The following PTPRN2 variants were observed in gnomAD, a reference collection of about 807,000 sequenced individuals.
The protein encoded by PTPRN2 is receptor-type tyrosine-protein phosphatase N2.
A neutral mutation model predicts 118.8 loss-of-function variants in PTPRN2; 74 were observed. That is an observed-to-expected ratio of 0.62 (90% CI 0.52 to 0.76). The LOEUF (loss-of-function observed/expected upper bound fraction) is 0.76. Ranked by LOEUF, PTPRN2 falls within the 30% of genes least tolerant of loss-of-function variation. The probability of loss-of-function intolerance (pLI) is 0.00; values close to 1 mark genes in which losing one functional copy is unlikely to be tolerated. For synonymous variants in PTPRN2, 641 were observed against 608.0 expected (o/e 1.05, Z -0.80); for missense variants, 1,481 against 1,394.4 (o/e 1.06, Z -0.99).
chr7:157,797,122 C>T (rs977337686), intron 12 of PTPRN2, among the ~76,000 whole-genome samples: 4 of 152,210 alleles, frequency 2.6e-5, no homozygotes, highest in East Asian at 1.9e-4. Context: ...ACACGGCCCA[C>T]GGCTGTGTCA....
chr7:158,341,166 C>A (rs113547176), intron 2 of PTPRN2, among the ~76,000 whole-genome samples: 20 of 145,934 alleles, frequency 1.4e-4, no homozygotes, highest in African/African-American at 5.2e-4. Flanking sequence ...CGCCCGCAGA[C>A]GTCACTCACA....
chr7:158,241,880 G>T (rs556518520), intron 3 of PTPRN2, among the ~76,000 whole-genome samples: 1 of 152,296 alleles, frequency 6.6e-6, no homozygotes, highest in South Asian at 2.1e-4. Context: ...AGTGCATATG[G>T]TCCTGGAGAA....
intron 9 of PTPRN2, among the ~76,000 whole-genome samples, chr7:158,130,428 A>G (rs1219836728): frequency 6.8e-6 from 1 of 148,026 alleles, no homozygotes; most frequent in Non-Finnish European, 1.5e-5. Flanking sequence ...ACACTCACAC[A>G]CACACGTACA....
At chr7:157,553,920 C>T (rs935610855) in intron 21 of PTPRN2, among the ~76,000 whole-genome samples, 5 of 152,090 alleles carry the variant, frequency 3.3e-5, no homozygotes, top group African/African-American at 7.2e-5. Flanking sequence ...TCAGGCTGGG[C>T]GCCGTATCCT....
At chr7:157,635,089 C>A (rs191805343) in intron 14 of PTPRN2, among the ~76,000 whole-genome samples, 1 of 152,222 alleles carries the variant, frequency 6.6e-6, no homozygotes, top group Admixed American at 6.5e-5. Flanking sequence ...AACCAGCCAA[C>A]GCCACGTATA....
intron 2 of PTPRN2, among the ~76,000 whole-genome samples, chr7:158,397,429 G>T (rs1391990479): frequency 6.6e-6 from 1 of 152,202 alleles, no homozygotes; most frequent in Admixed American, 6.5e-5. Context: ...CAAGTGGCCA[G>T]GGGACAGGGC....
intron 3 of PTPRN2, among the ~76,000 whole-genome samples, chr7:158,248,989 C>G (rs566224985): frequency 6.6e-6 from 1 of 151,490 alleles, no homozygotes; most frequent in East Asian, 2.0e-4. Flanking sequence ...CACACATATG[C>G]ACACATCACA....
chr7:158,507,616 G>A lies in PTPRN2; in HGVS notation c.113-17831C>T, dbSNP rs148437943. Among the ~76,000 whole-genome samples the A allele has an allele frequency of 2.0e-4, 29 of 146,974 alleles. 1 individual carries two copies. In the East Asian group the frequency reaches 4.1e-3, roughly 21 times the overall value. ...GAAGGTCAGTGAGGAACATCCAGGG[G>A]ACAGCCCTGCTCTGGGCAGGAAATC... On this transcript the variant is annotated intron_variant, in intron 1 of 22. Coordinates refer to ENST00000389418, the MANE Select transcript of PTPRN2 (RefSeq NM_002847.5).
intron 11 of PTPRN2, among the ~76,000 whole-genome samples, chr7:158,080,912 A>G (rs3823622): frequency 0.04 from 6,033 of 152,190 alleles, 190 homozygotes; most frequent in East Asian, 0.18. Flanking sequence ...AAAAACCTCA[A>G]AGCAAAATTG....
chr7:157,966,444 C>T (rs568500650), intron 11 of PTPRN2, among the ~76,000 whole-genome samples: 3 of 151,348 alleles, frequency 2.0e-5, no homozygotes, highest in South Asian at 2.1e-4. Flanking sequence ...TTTATTATCA[C>T]CATCAACATC....
intron 2 of PTPRN2, among the ~76,000 whole-genome samples, chr7:158,425,865 G>C (rs368896211): frequency 2.9e-5 from 2 of 68,916 alleles, no homozygotes; most frequent in Non-Finnish European, 5.7e-5. Context: ...AAAGACGCGG[G>C]GTCCGAGTCC....
intron 2 of PTPRN2, among the ~76,000 whole-genome samples, chr7:158,406,086 C>T (rs1403311509): frequency 1.3e-5 from 1 of 79,594 alleles, no homozygotes; most frequent in African/African-American, 5.9e-5. Flanking sequence ...GTGGCTCATC[C>T]ATGAGACACG....
intron 6 of PTPRN2, among the ~76,000 whole-genome samples, chr7:158,149,139 C>G (rs1820603774): frequency 6.6e-6 from 1 of 151,164 alleles, no homozygotes; most frequent in Non-Finnish European, 1.5e-5. Context: ...CATCTCACGC[C>G]ACGTGTCTTT....
intron 11 of PTPRN2, among the ~76,000 whole-genome samples, chr7:158,037,434 T>C (rs1031076662): frequency 2.0e-5 from 3 of 152,224 alleles, no homozygotes; most frequent in African/African-American, 7.2e-5. Context: ...CTGCACGGCA[T>C]ATCACTGTAC....
chr7:158,459,206 C>T (rs940009256), intron 2 of PTPRN2, among the ~76,000 whole-genome samples: 2 of 109,000 alleles, frequency 1.8e-5, no homozygotes, highest in African/African-American at 3.3e-5. Context: ...TGCACAAGCA[C>T]ACATGCATGC....
chr7:158,341,513 T>C, intron 2 of PTPRN2, among the ~76,000 whole-genome samples: 1 of 123,276 alleles, frequency 8.1e-6, no homozygotes, highest in Non-Finnish European at 1.8e-5. Context: ...CAGACGTCAC[T>C]CACACCCACA....
Position 157,627,354 on chromosome 7 carries a change from C to T in PTPRN2, c.2197-5845G>A, listed in dbSNP as rs1803649022. Among the ~76,000 whole-genome samples, 1 of 152,310 alleles carries T rather than the reference C, an allele frequency of 6.6e-6. No homozygotes were observed. The highest frequency in any genetic ancestry group is 2.1e-4 in the South Asian group (1 of 4,822). On this transcript the variant is annotated intron_variant, in intron 14 of 22. Transcript: ENST00000389418. This position sits in a 1 kb window ranked among gnomAD's most constrained non-coding sequence, Gnocchi z 4.2. ...GCTGACAATACCAGAGGGAGTGAGCCAGTGAAGGCGGGATTGCACCACAAT... is the reference window on the plus strand; with the variant it reads ...GCTGACAATACCAGAGGGAGTGAGCTAGTGAAGGCGGGATTGCACCACAAT...
At chr7:157,684,398 G>A (rs562654610) in intron 12 of PTPRN2, among the ~76,000 whole-genome samples, 1 of 148,434 alleles carries the variant, frequency 6.7e-6, no homozygotes. Context: ...AGAGGGAAAG[G>A]GGGGAGAGGG....
intron 1 of PTPRN2, among the ~76,000 whole-genome samples, chr7:158,585,353 C>T (rs968110918): frequency 1.3e-5 from 2 of 152,202 alleles, no homozygotes; most frequent in African/African-American, 4.8e-5. Flanking sequence ...TTTGTCTATA[C>T]CACTGGGGCA....
Sources: gnomAD v4.1 joint callset for allele counts (sites outside exome capture counted in the v4.1 genomes callset) on GRCh38, gnomAD v4.1.1 for gene constraint, Gnocchi (gnomAD v3.1) non-coding constraint, MANE v1.5 for transcripts, NCBI Gene and HGNC (gene_info 2026-07-23, HGNC 2026-07-21) for gene names.